FER1L6: variants seen among roughly 807,000 people sequenced by gnomAD.
The protein encoded by FER1L6 is fer-1-like protein 6.
Under a neutral mutation model 219.2 loss-of-function variants are expected in FER1L6, and 177 were observed. The observed-to-expected ratio is 0.81, with a 90% confidence interval of 0.71 to 0.91. The LOEUF (loss-of-function observed/expected upper bound fraction) is 0.91, where lower values mean the gene tolerates loss of function less well. FER1L6 is among the 40% of genes least tolerant of loss of function. The pLI is 0.00. For missense variants in FER1L6, 2,153 were observed against 2,259.9 expected (o/e 0.95, Z 0.96); for synonymous variants, 768 against 824.3 (o/e 0.93, Z 1.17).
At chr8:124,002,404 C>T (rs1298027359) in intron 12 of FER1L6, among the ~76,000 whole-genome samples, 1 of 152,076 alleles carries the variant, frequency 6.6e-6, no homozygotes, top group Non-Finnish European at 1.5e-5. Context: ...GTTAAGAGGT[C>T]CTTGTGATTA....
intron 1 of FER1L6, among the ~76,000 whole-genome samples, chr8:123,943,480 G>T (rs1586494672): frequency 2.0e-5 from 3 of 152,264 alleles, no homozygotes; most frequent in Admixed American, 6.5e-5. Flanking sequence ...ATAGGGAGCT[G>T]CCAGGTGCAC....
At chr8:124,011,613 G>A (rs962722910) in intron 14 of FER1L6, among the ~76,000 whole-genome samples, 21 of 151,468 alleles carry the variant, frequency 1.4e-4, no homozygotes, top group South Asian at 4.2e-4. Context: ...CCAAGAAGTC[G>A]GAACTACAGG....
chr8:123,979,193 T>C (rs898724459), intron 10 of FER1L6, among the ~76,000 whole-genome samples: 2 of 152,198 alleles, frequency 1.3e-5, no homozygotes, highest in African/African-American at 2.4e-5. Flanking sequence ...GTTAAGCAGA[T>C]TATGATATAT....
intron 1 of FER1L6, among the ~76,000 whole-genome samples, chr8:123,864,020 A>G (rs1246338889): frequency 6.8e-6 from 1 of 146,054 alleles, no homozygotes; most frequent in Admixed American, 6.7e-5. Context: ...TGATCCTGTC[A>G]TTATGATGTT....
At chr8:123,981,632 A>C (rs980102245) in intron 11 of FER1L6, among the ~76,000 whole-genome samples, 1 of 152,172 alleles carries the variant, frequency 6.6e-6, no homozygotes, top group Non-Finnish European at 1.5e-5. Flanking sequence ...GTATAGCAGC[A>C]GGTCACCTTA....
intron 12 of FER1L6, among the ~76,000 whole-genome samples, chr8:124,002,558 C>G (rs1817463174): frequency 6.6e-6 from 1 of 152,118 alleles, no homozygotes; most frequent in Non-Finnish European, 1.5e-5. Context: ...ATGGAAAGAT[C>G]AATGACACCA....
chr8:123,937,291 C>T (rs1814045217), intron 1 of FER1L6, among the ~76,000 whole-genome samples: 1 of 152,204 alleles, frequency 6.6e-6, no homozygotes, highest in Admixed American at 6.5e-5. Flanking sequence ...AATACAAAAC[C>T]TTCCATTCAT....
chr8:123,938,147 A>T (rs1379920360), intron 1 of FER1L6, among the ~76,000 whole-genome samples: 2 of 152,238 alleles, frequency 1.3e-5, no homozygotes, highest in African/African-American at 4.8e-5. Flanking sequence ...GAAGAAGGAA[A>T]ACCTGAGGAG....
At chr8:124,073,455 G>T (rs1031646956) in intron 31 of FER1L6, among the ~76,000 whole-genome samples, 5 of 152,134 alleles carry the variant, frequency 3.3e-5, no homozygotes, top group African/African-American at 1.2e-4. Context: ...TGTGTGGTTT[G>T]CTCTCGTACT....
At chr8:123,865,073 C>G (rs1377518173) in intron 1 of FER1L6, among the ~76,000 whole-genome samples, 3 of 150,718 alleles carry the variant, frequency 2.0e-5, no homozygotes, top group Non-Finnish European at 4.4e-5. Flanking sequence ...TTTAGAGTTT[C>G]CAGTTTTTCT....
intron 1 of FER1L6, among the ~76,000 whole-genome samples, chr8:123,913,579 T>C (rs555355578): frequency 1.2e-4 from 18 of 152,236 alleles, no homozygotes; most frequent in African/African-American, 4.3e-4. Context: ...CTGGGCTCTG[T>C]GTTTTTGTTT....
intron 1 of FER1L6, among the ~76,000 whole-genome samples, chr8:123,948,637 A>G (rs1814607813): frequency 6.6e-6 from 1 of 152,192 alleles, no homozygotes; most frequent in Non-Finnish European, 1.5e-5. Context: ...TTGTATAAAG[A>G]GGTACAACTG....
intron 5 of FER1L6, among the ~76,000 whole-genome samples, chr8:123,967,685 C>T (rs1251890799): frequency 1.3e-5 from 2 of 152,164 alleles, no homozygotes; most frequent in Non-Finnish European, 2.9e-5. Flanking sequence ...TGGCCAGATG[C>T]AGTGGCTCAC....
chr8:124,064,752 T>A (rs1308905222), intron 26 of FER1L6, among the ~76,000 whole-genome samples, 179 bp downstream of exon 26: 1 of 152,198 alleles, frequency 6.6e-6, no homozygotes, highest in African/African-American at 2.4e-5. Context: ...TGTTATAGGA[T>A]CAGAAGGTTA....
chr8:123,900,303 T>C (rs1812834764), intron 1 of FER1L6, among the ~76,000 whole-genome samples: 1 of 152,166 alleles, frequency 6.6e-6, no homozygotes. Flanking sequence ...GCTTGGTCGC[T>C]GTTGGTGTAT....
At chr8:124,026,456 T>G (rs1470529418) in intron 18 of FER1L6, among the ~76,000 whole-genome samples, 2 of 152,124 alleles carry the variant, frequency 1.3e-5, no homozygotes, top group Non-Finnish European at 2.9e-5. Flanking sequence ...AGCATGAGAA[T>G]GTAGTTTCAG....
intron 22 of FER1L6, among the ~76,000 whole-genome samples, chr8:124,057,853 G>T (rs6987660): frequency 0.022 from 3,391 of 151,880 alleles, 123 homozygotes; most frequent in African/African-American, 0.078. Context: ...TTTTATTATA[G>T]ATTTCATTTA....
At chr8:123,883,777 G>T (rs1275754337) in intron 1 of FER1L6, among the ~76,000 whole-genome samples, 2 of 152,156 alleles carry the variant, frequency 1.3e-5, no homozygotes, top group African/African-American at 4.8e-5. Context: ...TGGTGTCAGG[G>T]ATTGAAGGAT....
intron 1 of FER1L6, among the ~76,000 whole-genome samples, chr8:123,855,852 A>G (rs1281566762): frequency 6.8e-6 from 1 of 147,204 alleles, no homozygotes; most frequent in African/African-American, 2.5e-5. Flanking sequence ...CCAGCCCCAT[A>G]TGACCCTAAT....
Sources: allele counts gnomAD v4.1 joint callset (sites outside exome capture counted in the v4.1 genomes callset), GRCh38; gene constraint gnomAD v4.1.1; transcripts MANE v1.5; gene names NCBI Gene and HGNC (gene_info 2026-07-23, HGNC 2026-07-21).